TNK2: variants seen among roughly 807,000 people sequenced by gnomAD.
TNK2 encodes the protein tyrosine kinase non receptor 2.
Under a neutral mutation model 101.8 loss-of-function variants are expected in TNK2, and 83 were observed. The observed-to-expected ratio is 0.82, with a 90% CI of 0.68 to 0.98. The LOEUF (loss-of-function observed/expected upper bound fraction) is 0.98. TNK2 is among the 50% of genes least tolerant of loss of function. TNK2 has a pLI of 0.00. For missense variants in TNK2, 1,665 were observed against 1,483.2 expected, an observed-to-expected ratio of 1.12 and a Z score of -2.01; for synonymous variants, 804 against 633.0, an observed-to-expected ratio of 1.27 and a Z score of -4.06.
chr3:195,881,486 C>G (rs1383743003), intron 6 of TNK2, among the ~76,000 whole-genome samples: 12 of 119,174 alleles, frequency 1.0e-4, no homozygotes, highest in South Asian at 2.8e-4. Flanking sequence ...CTCTAACACC[C>G]CCCCCAGCAA....
chr3:195,885,954 TA>T lies in TNK2; in HGVS notation c.235-922del, dbSNP rs1755409561. On this transcript the variant is annotated intron_variant, in intron 3 of 15. Coordinates refer to ENST00000672887, the MANE Select transcript of TNK2 (RefSeq NM_001382273.1). The surrounding 1 kb of genome is among the most constrained non-coding windows in gnomAD (Gnocchi z 4.7). ...GCCTCTGCCCTGTGCTTCCTCCCAGTAACTAGAATTCCTTATGTTTGCAAGC... is the reference window on the plus strand; with the variant it reads ...GCCTCTGCCCTGTGCTTCCTCCCAGTACTAGAATTCCTTATGTTTGCAAGC... 1 of 188,652 alleles carries T rather than the reference TA, an allele frequency of 5.3e-6. No individual in the cohort carries two copies. Among genetic ancestry groups the T allele is most frequent in the South Asian group, 9.7e-5 (1 of 10,354 alleles). The allele number at this position is 188,652 out of a possible 1,614,324, so 11.7% of individuals were successfully genotyped here. A position where few individuals can be genotyped will look rare whatever the true frequency, so the allele number is the denominator to read the frequency against.
Position 195,864,030 on chromosome 3 carries a change from C to A in TNK2, c.*151G>T. On this transcript the variant is annotated 3_prime_UTR_variant, in exon 16 of 16. Coordinates refer to ENST00000672887, the MANE Select transcript of TNK2 (RefSeq NM_001382273.1). ...GGAGGGATGGGCAGGGCAGGGCTCC[C>A]AGCCTCCCGCAGCCTTGGCCTTGCT... 6 of 1,039,704 alleles carry A rather than the reference C, an allele frequency of 5.8e-6. No homozygotes were observed. The highest frequency in any genetic ancestry group is 8.6e-6 in the Non-Finnish European group (6 of 694,764). The allele number at this position is 1,039,704 out of a possible 1,614,324, so 64.4% of individuals were successfully genotyped here.
chr3:195,865,645 G>A (rs994545843), intron 15 of TNK2, among the ~76,000 whole-genome samples: 1 of 148,440 alleles, frequency 6.7e-6, no homozygotes, highest in Non-Finnish European at 1.5e-5. Context: ...CCGAGACAAT[G>A]ACAGACAGGT....
chr3:195,877,970 G>A (rs763250893), intron 9 of TNK2, among the ~76,000 whole-genome samples: 3 of 152,240 alleles, frequency 2.0e-5, no homozygotes, highest in East Asian at 1.9e-4. Flanking sequence ...TGCTGCCACC[G>A]AGGCCAGGCC....
intron 10 of TNK2, 120 bp from the exon 11 acceptor site, chr3:195,870,325 C>A (rs1405456648): frequency 1.3e-6 from 2 of 1,531,688 alleles, no homozygotes; most frequent in Non-Finnish European, 1.8e-6. Flanking sequence ...GAAGCACAGG[C>A]CTCCCGCCTC....
chr3:195,874,470 G>A (rs1415077738), intron 9 of TNK2, among the ~76,000 whole-genome samples: 1 of 152,242 alleles, frequency 6.6e-6, no homozygotes, highest in African/African-American at 2.4e-5. Context: ...GTAAGAGTGC[G>A]GAGGACGTGT....
intron 9 of TNK2, among the ~76,000 whole-genome samples, chr3:195,875,486 C>T (rs1748544935): frequency 6.6e-6 from 1 of 152,118 alleles, no homozygotes; most frequent in Non-Finnish European, 1.5e-5. Flanking sequence ...GGGATGGCGC[C>T]CACGCACACT....
intron 1 of TNK2, chr3:195,892,752 G>A: frequency 2.3e-6 from 3 of 1,287,732 alleles, no homozygotes; most frequent in Non-Finnish European, 9.8e-7. Context: ...AGTGGTCACA[G>A]TCCAGCCCTA....
At chr3:195,879,234 A>G in intron 6 of TNK2, 59 bp from the exon 7 acceptor site, 1 of 1,601,166 alleles carries the variant, frequency 6.2e-7, no homozygotes, top group Non-Finnish European at 8.5e-7. Flanking sequence ...CGTCCGCCCC[A>G]GGGACTTAAA....
intron 15 of TNK2, among the ~76,000 whole-genome samples, chr3:195,865,119 T>C (rs1423687162): frequency 8.8e-6 from 1 of 114,190 alleles, no homozygotes; most frequent in South Asian, 3.2e-4. Flanking sequence ...CCCGAGACAG[T>C]GACAGACAGG....
chr3:195,868,428 T>G lies in TNK2; in HGVS notation c.1870A>C (p.Thr624Pro), dbSNP rs1343794493. Residue 624 changes from threonine to proline, a missense_variant, in exon 13 of 16, where the codon ACG (threonine) becomes CCG (proline). Thr to Pro is a conservative substitution (Grantham distance 38, BLOSUM62 -1). Around this residue, in one of 3 missense-constraint regions of TNK2, gnomAD observed 1,136 missense variants for 894.9 expected, o/e 1.27. Coordinates refer to ENST00000672887, the MANE Select transcript of TNK2 (RefSeq NM_001382273.1). The stretch of plus-strand genomic sequence containing the variant: ...TGCAGGGGCCGGGGCAGTGCCCGCG[T>G]GGGGCTCTGAGGCGGGGTCTCGTCC... ...LLDETPPQSP[T>P]RALPRPLHPT... is the part of the protein sequence containing the mutation. The G allele has an allele frequency of 6.4e-7, 1 of 1,568,916 alleles. No individual in the cohort carries two copies. Among genetic ancestry groups the G allele is most frequent in the Non-Finnish European group, 8.6e-7 (1 of 1,165,494 alleles).
At chr3:195,906,084 G>A (rs1761686688) in intron 1 of TNK2, among the ~76,000 whole-genome samples, 1 of 152,146 alleles carries the variant, frequency 6.6e-6, no homozygotes, top group South Asian at 2.1e-4. Context: ...CCGACAACAT[G>A]AGTCATTAAG....
intron 9 of TNK2, chr3:195,876,443 C>A (rs1252308812): frequency 2.2e-6 from 1 of 456,866 alleles, no homozygotes; most frequent in Non-Finnish European, 4.4e-6. Context: ...CAAAGACTCA[C>A]ACAGAGCCAT....
chr3:195,882,076 C>G lies in TNK2; in HGVS notation c.862G>C (p.Glu288Gln). The G allele has an allele frequency of 6.2e-7, 1 of 1,611,712 alleles. No individual in the cohort carries two copies. The highest frequency in any genetic ancestry group is 8.5e-7 in the Non-Finnish European group (1 of 1,178,352). ...PQNDDHYVMQ[E>Q]HRKVPFAWCA... ...CAGGCGAAGGGCACCTTGCGATGTT[C>G]CTGCATGACGTAATGGTCGTCATTC... is the stretch of plus-strand genomic sequence containing the variant. The change falls in exon 6 of 16, where the codon GAA becomes CAA. Residue 288 changes from glutamate (E) to glutamine (Q), a missense_variant. By Grantham distance (29) the Glu-to-Gln change is conservative (BLOSUM62 2). This residue lies in a region of TNK2 where 490 missense variants were observed against 522.5 expected (regional missense o/e 0.94). Transcript: ENST00000672887. The surrounding 1 kb of genome is among the most constrained non-coding windows in gnomAD (Gnocchi z 4.2).
chr3:195,878,261 G>C lies in TNK2; in HGVS notation c.1248C>G (p.Ile416Met). Reference protein sequence around the residue: ...HIQMNDVITVIEGRAENYWWR... With the variant: ...HIQMNDVITVMEGRAENYWWR... Reference sequence around the variant, plus strand: ...AGCCCTGCACTCCCTACCTTCCCTCGATGACGGTGATGACATCATTCATCT... The same window carrying C: ...AGCCCTGCACTCCCTACCTTCCCTCCATGACGGTGATGACATCATTCATCT... Residue 416 changes from isoleucine to methionine, a missense_variant, in exon 9 of 16, where the codon ATC becomes ATG. By Grantham distance (10) the Ile-to-Met change is conservative. This residue lies in a region of TNK2 where 39 missense variants were observed against 65.8 expected (regional missense o/e 0.59). Transcript: ENST00000672887. This position sits in a 1 kb window ranked among gnomAD's most constrained non-coding sequence, Gnocchi z 4.7. The C allele has an allele frequency of 1.2e-6, 2 of 1,613,698 alleles. No homozygotes were observed. The highest frequency in any genetic ancestry group is 8.5e-7 in the Non-Finnish European group (1 of 1,179,896).
At chr3:195,894,077 T>C (rs1397894119) in intron 1 of TNK2, among the ~76,000 whole-genome samples, 5 of 152,198 alleles carry the variant, frequency 3.3e-5, no homozygotes, top group Admixed American at 3.3e-4. Context: ...TGCGTTACAC[T>C]GGAGCTGACT....
chr3:195,895,709 T>G (rs1289452064), intron 1 of TNK2: 2 of 697,806 alleles, frequency 2.9e-6, no homozygotes, highest in East Asian at 3.7e-5. Context: ...AGCCACCAAC[T>G]GGGGCCTTGG....
At chr3:195,870,942 G>A (rs1405747904) in intron 10 of TNK2, among the ~76,000 whole-genome samples, 2 of 149,466 alleles carry the variant, frequency 1.3e-5, no homozygotes, top group South Asian at 2.2e-4. Context: ...GGCCCGCTGT[G>A]TGGGTTCTGG....
rs1362309096 is a variant in TNK2, at chr3:195,865,888, A to G, written c.3161+1001T>C. Reference sequence around the variant, plus strand: ...TCGCGCCAGTCCCTTCCACGGGGTGAGCACTATTATCTACACGCTTTATAT... The same window carrying G: ...TCGCGCCAGTCCCTTCCACGGGGTGGGCACTATTATCTACACGCTTTATAT... On this transcript the variant is annotated intron_variant, in intron 15 of 15. Transcript: ENST00000672887. Among the ~76,000 whole-genome samples the G allele has an allele frequency of 2.0e-5, 3 of 152,220 alleles. No individual in the cohort carries two copies. In the East Asian group the frequency reaches 5.8e-4, roughly 29 times the overall value.
Sources: allele counts gnomAD v4.1 joint callset (sites outside exome capture counted in the v4.1 genomes callset), GRCh38; gene constraint gnomAD v4.1.1; regional missense constraint gnomAD v4.1.1; non-coding constraint Gnocchi (gnomAD v3.1); transcripts MANE v1.5; gene names NCBI Gene and HGNC (gene_info 2026-07-23, HGNC 2026-07-21).